ELF1: variants seen among roughly 807,000 people sequenced by gnomAD.
ELF1 encodes E74 like ETS transcription factor 1, also known as ETS-related transcription factor Elf-1.
ELF1 carries 24 observed loss-of-function variants against 59.9 expected under a neutral mutation model. The ratio of observed to expected loss-of-function variants is 0.40; its 90% CI spans 0.29 to 0.56. ELF1 has a LOEUF of 0.56. Ranked by LOEUF, ELF1 falls within the 20% of genes least tolerant of loss-of-function variation. ELF1 has a pLI of 0.44. For missense variants in ELF1, 627 were observed against 742.2 expected, an observed-to-expected ratio of 0.84 and a Z score of 1.80; for synonymous variants, 248 against 266.2, an observed-to-expected ratio of 0.93 and a Z score of 0.67.
upstream of ELF1, among the ~76,000 whole-genome samples, chr13:41,023,346 T>C (rs1875760754): frequency 6.6e-6 from 1 of 152,214 alleles, no homozygotes; most frequent in Admixed American, 6.5e-5. Flanking sequence ...AAAGCTTTGT[T>C]TGAATCCGCC....
At chr13:40,995,011 A>C (rs1262515612) in intron 1 of ELF1, among the ~76,000 whole-genome samples, 1 of 152,122 alleles carries the variant, frequency 6.6e-6, no homozygotes, top group Non-Finnish European at 1.5e-5. Context: ...GCTACATGAC[A>C]CGCCTCCCCC....
intron 1 of ELF1, among the ~76,000 whole-genome samples, chr13:41,038,678 G>T (rs568874603): frequency 5.3e-5 from 8 of 152,132 alleles, no homozygotes; most frequent in Non-Finnish European, 8.8e-5. Flanking sequence ...AAATGTAAAA[G>T]TATGGAATAA....
intron 3 of ELF1, among the ~76,000 whole-genome samples, chr13:40,955,191 G>T (rs1171409429): frequency 6.7e-6 from 1 of 150,310 alleles, no homozygotes; most frequent in African/African-American, 2.4e-5. Context: ...CCTCTGAGAA[G>T]TGAGGAGCCC....
At chr13:41,035,727 GAAA>G (rs11366083) in intron 1 of ELF1, among the ~76,000 whole-genome samples, 2 of 99,998 alleles carry the variant, frequency 2.0e-5, no homozygotes, top group Non-Finnish European at 4.1e-5. Flanking sequence ...AGAACAAAAA[GAAA>G]AAAAAAAAAA....
chr13:40,993,149 C>T (rs984243951), intron 1 of ELF1: 14 of 1,538,796 alleles, frequency 9.1e-6, no homozygotes, highest in Admixed American at 1.7e-5. Context: ...CCTGGATACT[C>T]TCCATTTTTG....
intron 1 of ELF1, among the ~76,000 whole-genome samples, chr13:40,986,949 T>TTTG (rs1873582256): frequency 6.8e-6 from 1 of 148,102 alleles, no homozygotes; most frequent in African/African-American, 2.5e-5. Context: ...TTTTTTTTTT[T>TTTG]TTTTTTGAGT....
intron 2 of ELF1, among the ~76,000 whole-genome samples, chr13:40,971,723 T>G (rs1765988096): frequency 6.6e-6 from 1 of 152,258 alleles, no homozygotes; most frequent in African/African-American, 2.4e-5. Context: ...CTAGTGTAAC[T>G]GTGTCATGAC....
At chr13:41,043,348 C>T (rs1876704055) in intron 1 of ELF1, among the ~76,000 whole-genome samples, 1 of 152,164 alleles carries the variant, frequency 6.6e-6, no homozygotes, top group South Asian at 2.1e-4. Context: ...GTTGCCATTG[C>T]TTTTGGTGTT....
In ELF1 at chr13:41,060,727, A is replaced by T. The variant is rs556441452; in HGVS notation, c.-229+111T>A. On this transcript the variant is annotated intron_variant, in intron 1 of 1. Transcript: ENST00000405737. ...CCGATAGTTGCAAAAAAAAAGAAAA[A>T]TAAGGAAGCGTTCCCATACCGGGAG... 45 of 164,696 alleles carry T rather than the reference A, an allele frequency of 2.7e-4. 1 individual carries two copies. Among genetic ancestry groups the T allele is most frequent in the African/African-American group, 1.0e-3 (44 of 42,298 alleles). 10.2% of individuals were successfully genotyped at this position (164,696 alleles called of 1,614,324 possible).
At chr13:41,056,292 G>T (rs1441244873) in intron 1 of ELF1, among the ~76,000 whole-genome samples, 1 of 152,176 alleles carries the variant, frequency 6.6e-6, no homozygotes, top group Non-Finnish European at 1.5e-5. Context: ...ACTCCTTAGT[G>T]TAATGTTCTT....
rs1198356442 is a variant in ELF1, at chr13:40,982,568, C to CA, written c.-228-287dup. On this transcript the variant is annotated intron_variant, in intron 1 of 8. Transcript: ENST00000239882. ...TCAATATTAAAAAAAAAAAAAAGGT[C>CA]AAAAAACCCCAGCAATAATGAGGGT... Among the ~76,000 whole-genome samples, 476 of 147,436 alleles carry CA rather than the reference C, an allele frequency of 3.2e-3. 3 individuals are homozygous for CA. Among genetic ancestry groups the CA allele is most frequent in the African/African-American group, 0.011 (451 of 40,198 alleles).
At chr13:40,934,473 A>T (rs1301984738) in intron 8 of ELF1, among the ~76,000 whole-genome samples, 2 of 123,590 alleles carry the variant, frequency 1.6e-5, no homozygotes, top group Non-Finnish European at 3.2e-5. Flanking sequence ...CTCAGGCTGG[A>T]GTACAGTGGC....
At chr13:41,019,699 T>C (rs1387527254), upstream of ELF1, among the ~76,000 whole-genome samples, 1 of 152,126 alleles carries the variant, frequency 6.6e-6, no homozygotes, top group Non-Finnish European at 1.5e-5. Flanking sequence ...TAGCAAACTC[T>C]GTGGCTCTTA....
At chr13:40,961,418 G>A (rs1364742327) in intron 2 of ELF1, among the ~76,000 whole-genome samples, 2 of 152,152 alleles carry the variant, frequency 1.3e-5, no homozygotes, top group African/African-American at 4.8e-5. Flanking sequence ...CAGGCCTGGT[G>A]GTATGTGCCT....
chr13:41,003,613 A>T (rs1874585560), intron 1 of ELF1, among the ~76,000 whole-genome samples: 1 of 152,196 alleles, frequency 6.6e-6, no homozygotes, highest in Non-Finnish European at 1.5e-5. Flanking sequence ...AGGCACAAAA[A>T]ACTTGGTGAC....
chr13:40,975,397 A>G (rs2138249006), intron 2 of ELF1, among the ~76,000 whole-genome samples: 1 of 152,256 alleles, frequency 6.6e-6, no homozygotes, highest in Admixed American at 6.5e-5. Flanking sequence ...TTTTTGAAAA[A>G]CAATTTTAAT....
intron 2 of ELF1, among the ~76,000 whole-genome samples, chr13:40,978,075 G>C (rs1184024605): frequency 6.6e-6 from 1 of 152,078 alleles, no homozygotes; most frequent in Non-Finnish European, 1.5e-5. Flanking sequence ...CCAAACATAT[G>C]AAAGATACTA....
chr13:40,960,357 C>T (rs1033308975), intron 2 of ELF1, among the ~76,000 whole-genome samples: 1 of 152,052 alleles, frequency 6.6e-6, no homozygotes, highest in Non-Finnish European at 1.5e-5. Context: ...AATTTCTTTT[C>T]CTTTAATCTG....
intron 2 of ELF1, among the ~76,000 whole-genome samples, chr13:40,978,603 T>C (rs1873065225): frequency 6.6e-6 from 1 of 152,044 alleles, no homozygotes; most frequent in Non-Finnish European, 1.5e-5. Context: ...GGAGAAAATG[T>C]CAATGATTCT....
Sources: gnomAD v4.1 joint callset for allele counts (sites outside exome capture counted in the v4.1 genomes callset) on GRCh38, gnomAD v4.1.1 for gene constraint, MANE v1.5 for transcripts, NCBI Gene and HGNC (gene_info 2026-07-23, HGNC 2026-07-21) for gene names.